The following NEMP2 variants were observed in gnomAD, a reference collection of about 807,000 sequenced individuals.
NEMP2 encodes UPF0571 transmembrane protein.
NEMP2 carries 53 observed loss-of-function variants against 54.2 expected under a neutral mutation model. The ratio of observed to expected loss-of-function variants is 0.98; its 90% CI spans 0.78 to 1.23. NEMP2 has a LOEUF of 1.23. NEMP2 is among the 50% of genes most tolerant of loss of function. NEMP2 has a pLI of 0.00. For missense variants in NEMP2, 455 were observed against 511.3 expected, an observed-to-expected ratio of 0.89 and a Z score of 1.06; for synonymous variants, 197 against 190.3, an observed-to-expected ratio of 1.04 and a Z score of -0.29.
chr2:190,577,244 A>C, the NEMP2 span, among the ~76,000 whole-genome samples: 21 of 152,160 alleles, frequency 1.4e-4, no homozygotes, highest in Admixed American at 1.4e-3. This position sits in a 1 kb window ranked among gnomAD's most constrained non-coding sequence, Gnocchi z 4.8. Context: ...GGACTTACTC[A>C]ATTTTTTTTA....
upstream of NEMP2, among the ~76,000 whole-genome samples, chr2:190,537,494 G>A (rs1266223227): frequency 1.3e-5 from 2 of 152,180 alleles, no homozygotes; most frequent in Non-Finnish European, 2.9e-5. Flanking sequence ...TGTGAAGAAG[G>A]ACATGTTTGC....
At chr2:190,550,581 C>G in the NEMP2 span, among the ~76,000 whole-genome samples, 3 of 152,194 alleles carry the variant, frequency 2.0e-5, no homozygotes, top group Admixed American at 2.0e-4. This position sits in a 1 kb window ranked among gnomAD's most constrained non-coding sequence, Gnocchi z 4.7. Context: ...AATACACATA[C>G]TACTACCAAT....
the NEMP2 span, among the ~76,000 whole-genome samples, chr2:190,448,306 A>T: frequency 1.3e-5 from 2 of 152,252 alleles, no homozygotes; most frequent in African/African-American, 4.8e-5. Flanking sequence ...CATTTTTTAG[A>T]TAAATACCTC....
the NEMP2 span, among the ~76,000 whole-genome samples, chr2:190,548,297 T>C: frequency 2.0e-5 from 3 of 152,188 alleles, no homozygotes; most frequent in Non-Finnish European, 4.4e-5. Flanking sequence ...TTTAAGCCTC[T>C]TAACTTATTT....
At chr2:190,565,361 T>C in the NEMP2 span, among the ~76,000 whole-genome samples, 1 of 152,194 alleles carries the variant, frequency 6.6e-6, no homozygotes, top group Non-Finnish European at 1.5e-5. Flanking sequence ...TAGGCCAATG[T>C]TTCTAAATTG....
the NEMP2 span, chr2:190,488,838 T>C: frequency 6.6e-7 from 1 of 1,517,636 alleles, no homozygotes; most frequent in Non-Finnish European, 8.8e-7. The surrounding 1 kb of genome is among the most constrained non-coding windows in gnomAD (Gnocchi z 6.4). Context: ...GCTTTCTCCT[T>C]TTTTTTCTTT....
rs1308314893 is a variant in NEMP2 at position 190,531,937 on chromosome 2, C to T, written c.97+2622G>A. Among the ~76,000 whole-genome samples the T allele has an allele frequency of 6.6e-6, 1 of 152,106 alleles. No homozygotes were observed. Among genetic ancestry groups the T allele is most frequent in the Non-Finnish European group, 1.5e-5 (1 of 68,032 alleles). On this transcript the variant is annotated intron_variant, in intron 1 of 8. Coordinates refer to ENST00000409150, the MANE Select transcript of NEMP2 (RefSeq NM_001142645.2). The surrounding 1 kb of genome is among the most constrained non-coding windows in gnomAD (Gnocchi z 4.7). ...CCTAACTCCCAACACAAAAATATCT[C>T]ACCAATGTTCCTCCTGAAAACTGAC...
chr2:190,479,527 A>T, the NEMP2 span, among the ~76,000 whole-genome samples: 1 of 152,238 alleles, frequency 6.6e-6, no homozygotes, highest in South Asian at 2.1e-4. Context: ...ACAATTAAAC[A>T]TTCATGATTT....
chr2:190,540,680 C>G, the NEMP2 span, among the ~76,000 whole-genome samples: 1 of 152,098 alleles, frequency 6.6e-6, no homozygotes, highest in African/African-American at 2.4e-5. Context: ...GGATATTGGC[C>G]TGTAGTTTTC....
the NEMP2 span, chr2:190,489,725 C>T: frequency 6.4e-7 from 1 of 1,555,010 alleles, no homozygotes; most frequent in Non-Finnish European, 8.8e-7. This position sits in a 1 kb window ranked among gnomAD's most constrained non-coding sequence, Gnocchi z 6.6. Flanking sequence ...GCGCTATCTG[C>T]ATTTCTTGGA....
At position 190,509,054 on chromosome 2, in the gene NEMP2, T is replaced by C; in HGVS notation, c.*135A>G. The C allele has an allele frequency of 7.3e-7, 1 of 1,377,688 alleles. No homozygotes were observed. The highest frequency in any genetic ancestry group is 1.5e-5 in the South Asian group (1 of 65,806). 85.3% of individuals were successfully genotyped at this position (1,377,688 alleles called of 1,614,324 possible). ...TCTTCAAAATGGGTTGGTTTCCCTT[T>C]CCAGACTGACTTGTTTTTCTCCACA... On this transcript the variant is annotated 3_prime_UTR_variant, in exon 9 of 9. Transcript: ENST00000409150. This position sits in a 1 kb window ranked among gnomAD's most constrained non-coding sequence, Gnocchi z 6.1.
At chr2:190,498,436 G>A in the NEMP2 span, among the ~76,000 whole-genome samples, 5 of 152,108 alleles carry the variant, frequency 3.3e-5, no homozygotes, top group Non-Finnish European at 1.5e-5. The surrounding 1 kb of genome is among the most constrained non-coding windows in gnomAD (Gnocchi z 5.9). Context: ...TAAAAATAAA[G>A]GGGAAAGATT....
At position 190,534,572 on chromosome 2, in the gene NEMP2, C is replaced by T. The variant is rs1446860286; in HGVS notation, c.84G>A (p.Ala28=). 3 of 1,399,296 alleles carry T rather than the reference C, an allele frequency of 2.1e-6. No homozygotes were observed. The highest frequency in any genetic ancestry group is 2.8e-6 in the Non-Finnish European group (3 of 1,080,932). The allele number at this position is 1,399,296 out of a possible 1,614,324, so 86.7% of individuals were successfully genotyped here. A position where few individuals can be genotyped will look rare whatever the true frequency, so the allele number is the denominator to read the frequency against. The change falls in exon 1 of 9, where the codon GCG becomes GCA. Residue 28 remains alanine (A), a synonymous_variant. Transcript: ENST00000409150. The stretch of plus-strand genomic sequence containing the variant: ...GTCCCGGGTTACCTGATAACGCTGC[C>T]GCCGCCGCCTCCCCGCGCACGGGCA... ...ATLPVRGEAA[A]AALSVRRCKA... is the part of the protein sequence containing the mutation.
chr2:190,476,407 T>A, the NEMP2 span, among the ~76,000 whole-genome samples: 4 of 151,876 alleles, frequency 2.6e-5, no homozygotes, highest in East Asian at 1.9e-4. Flanking sequence ...ATGAACAGAC[T>A]CTTCTCAAAA....
chr2:190,434,394 AT>A, the NEMP2 span, among the ~76,000 whole-genome samples: 1 of 152,248 alleles, frequency 6.6e-6, no homozygotes, highest in Non-Finnish European at 1.5e-5. This position sits in a 1 kb window ranked among gnomAD's most constrained non-coding sequence, Gnocchi z 4.3. Flanking sequence ...ATATAAATGT[AT>A]ATTGCTAATA....
chr2:190,501,394 A>G (rs1279309928), downstream of NEMP2: 2 of 152,244 alleles, frequency 1.3e-5, no homozygotes, highest in African/African-American at 2.4e-5. Context: ...TGCAACTGCA[A>G]ACGTTACAAC....
intron 6 of NEMP2, among the ~76,000 whole-genome samples, chr2:190,515,199 GTTTAA>G (rs1335242426): frequency 6.6e-6 from 1 of 152,172 alleles, no homozygotes; most frequent in Non-Finnish European, 1.5e-5. Flanking sequence ...TATCTTAAGT[GTTTAA>G]TTTATATCTA....
chr2:190,482,868 C>CTTTTTTTTTTTTTTT, the NEMP2 span, among the ~76,000 whole-genome samples: 5 of 48,292 alleles, frequency 1.0e-4, 1 homozygote, highest in Non-Finnish European at 1.9e-4. Context: ...AGACTATCAT[C>CTTTTTTTTTTTTTTT]TTTTTTTTTT....
the NEMP2 span, among the ~76,000 whole-genome samples, chr2:190,548,132 T>C: frequency 6.6e-6 from 1 of 152,142 alleles, no homozygotes; most frequent in Non-Finnish European, 1.5e-5. Context: ...ATTCTGCAGG[T>C]TAGAATTTGT....
Sources: allele counts gnomAD v4.1 joint callset (sites outside exome capture counted in the v4.1 genomes callset), GRCh38; gene constraint gnomAD v4.1.1; non-coding constraint Gnocchi (gnomAD v3.1); transcripts MANE v1.5; gene names NCBI Gene and HGNC (gene_info 2026-07-23, HGNC 2026-07-21).